BLZF1: variants seen among roughly 807,000 people sequenced by gnomAD.
The protein encoded by BLZF1 is golgin-45.
In BLZF1, 39 loss-of-function variants were observed where a neutral mutation model predicts 43.8. The observed-to-expected ratio is 0.89, with a 90% CI of 0.69 to 1.16. The LOEUF (loss-of-function observed/expected upper bound fraction) is 1.16, where lower values mean the gene tolerates loss of function less well. Among genes scored for constraint, BLZF1 ranks in the 50% most tolerant of loss-of-function variants. BLZF1 has a pLI of 0.00. For synonymous variants in BLZF1, 136 were observed against 159.4 expected (o/e 0.85, Z 1.11); for missense variants, 449 against 469.8 (o/e 0.96, Z 0.41).
intron 5 of BLZF1, 103 bp downstream of exon 5, chr1:169,380,712 T>A: frequency 7.5e-7 from 1 of 1,332,230 alleles, no homozygotes; most frequent in Non-Finnish European, 1.0e-6. Context: ...TGGGTGTGTC[T>A]ACATTTGATA....
intron 5 of BLZF1, 114 bp from the exon 6 acceptor site, chr1:169,381,948 G>T: frequency 1.2e-6 from 1 of 804,226 alleles, no homozygotes; most frequent in South Asian, 1.9e-5. Context: ...GAGAGAAAGG[G>T]ATCAGAGAAA....
At chr1:169,370,828 T>C (rs1459455024) in intron 2 of BLZF1, among the ~76,000 whole-genome samples, 1 of 152,200 alleles carries the variant, frequency 6.6e-6, no homozygotes, top group Non-Finnish European at 1.5e-5. Context: ...TCTATATCCC[T>C]AATCTCCTTC....
At chr1:169,392,621 TGTGA>T (rs1330964936), downstream of BLZF1, among the ~76,000 whole-genome samples, 4 of 152,172 alleles carry the variant, frequency 2.6e-5, no homozygotes, top group African/African-American at 4.8e-5. Flanking sequence ...GTCCCCAAGC[TGTGA>T]GTATCTTTGT....
chr1:169,373,117 A>G (rs924435396), intron 2 of BLZF1, among the ~76,000 whole-genome samples: 1 of 152,142 alleles, frequency 6.6e-6, no homozygotes, highest in African/African-American at 2.4e-5. Context: ...CCTTTACAGA[A>G]AAAGTTTGCC....
intron 2 of BLZF1, among the ~76,000 whole-genome samples, chr1:169,370,992 G>A (rs775744017): frequency 3.3e-5 from 5 of 152,084 alleles, no homozygotes; most frequent in African/African-American, 4.8e-5. Flanking sequence ...AGTTAAAGAT[G>A]GAAAACTGTT....
chr1:169,388,689 A>C (rs1485923997), downstream of BLZF1, among the ~76,000 whole-genome samples: 1 of 152,192 alleles, frequency 6.6e-6, no homozygotes, highest in Admixed American at 6.5e-5. Flanking sequence ...CAACCCAATA[A>C]AAATTAGCAA....
At chr1:169,383,158 C>CA (rs1170214717) in intron 6 of BLZF1, among the ~76,000 whole-genome samples, 3 of 152,158 alleles carry the variant, frequency 2.0e-5, no homozygotes, top group Non-Finnish European at 4.4e-5. Flanking sequence ...AATACTACCT[C>CA]ACATTCAGCA....
chr1:169,371,893 G>A (rs1055549077), intron 2 of BLZF1, among the ~76,000 whole-genome samples: 2 of 152,122 alleles, frequency 1.3e-5, no homozygotes, highest in African/African-American at 4.8e-5. Flanking sequence ...TAGAATAATA[G>A]GTGTTAGGTA....
At chr1:169,378,260 T>C in intron 3 of BLZF1, 70 bp from the exon 4 acceptor site, 2 of 1,435,784 alleles carry the variant, frequency 1.4e-6, no homozygotes, top group Non-Finnish European at 1.9e-6. Flanking sequence ...AGTCTCTTTT[T>C]GTTAATTTTG....
Position 169,382,215 on chromosome 1 carries a change from C to T in BLZF1, c.951C>T (p.Asn317=). The T allele has an allele frequency of 6.2e-7, 1 of 1,613,440 alleles. No homozygotes were observed. The highest frequency in any genetic ancestry group is 8.5e-7 in the Non-Finnish European group (1 of 1,179,614). Residue 317 remains asparagine (N), a synonymous_variant, in exon 6 of 7, where the codon AAC becomes AAT. Transcript: ENST00000367808. ...NSHLLGNVGI[N]NQKKIPSTVE... ...ATCTTCTGGGAAATGTTGGCATTAACAATCAAAAAAAGATTCCATCAACAG... is the reference window on the plus strand; with the variant it reads ...ATCTTCTGGGAAATGTTGGCATTAATAATCAAAAAAAGATTCCATCAACAG...
In BLZF1 at chr1:169,387,159, C is replaced by T. The variant is rs768658214; in HGVS notation, c.1180C>T (p.Arg394Trp). 1.5e-5 allele frequency: 24 copies of T among 1,612,962 alleles called. 1 individual carries two copies. In the Middle Eastern group the frequency reaches 9.9e-4, roughly 66 times the overall value. Residue 394 changes from arginine to tryptophan, a missense_variant, in exon 7 of 7, where the codon CGG (arginine) becomes TGG (tryptophan). Coordinates refer to ENST00000367808, the MANE Select transcript of BLZF1 (RefSeq NM_001320973.2). The part of the protein sequence containing the change: ...NITFNCCNHC[R>W]GELIAL ...AACTTTCAATTGCTGCAATCACTGC[C>T]GGGGAGAACTGATTGCCCTTTAACA...
At chr1:169,380,765 C>T (rs12081030) in intron 5 of BLZF1, among the ~76,000 whole-genome samples, 156 bp downstream of exon 5, 6,797 of 152,064 alleles carry the variant, frequency 0.045, 212 homozygotes, top group East Asian at 0.12. Flanking sequence ...AAAATAGATG[C>T]TCTGGGAGGG....
downstream of BLZF1, among the ~76,000 whole-genome samples, chr1:169,391,464 C>T (rs950155638): frequency 3.3e-5 from 5 of 152,134 alleles, no homozygotes; most frequent in African/African-American, 7.2e-5. Context: ...CTGGCTGGCA[C>T]GCCAAATTTT....
rs756570009 is a variant in BLZF1, at chr1:169,376,922, A to G, written c.411A>G (p.Glu137=). The part of the protein sequence containing the change: ...KNVLEKLKNS[E]RRLLQDKEGL... ...TATTGGAAAAGCTCAAGAATTCTGAAAGAAGGTTACTACAGGACAAAGAAG... is the reference window on the plus strand; with the variant it reads ...TATTGGAAAAGCTCAAGAATTCTGAGAGAAGGTTACTACAGGACAAAGAAG... The change falls in exon 3 of 7, where the codon GAA becomes GAG. Residue 137 remains glutamate (E), a synonymous_variant. Transcript: ENST00000367808. The G allele has an allele frequency of 3.1e-6, 5 of 1,613,304 alleles. No homozygotes were observed. In the South Asian group the frequency reaches 5.5e-5, roughly 18 times the overall value.
chr1:169,375,393 C>CATATATATATATATAT lies in BLZF1; in HGVS notation c.29-1124_29-1109dup, dbSNP rs58679820. Among the ~76,000 whole-genome samples the CATATATATATATATAT allele has an allele frequency of 2.6e-3, 227 of 85,800 alleles. 8 individuals are homozygous for CATATATATATATATAT. Among genetic ancestry groups the CATATATATATATATAT allele is most frequent in the African/African-American group, 6.1e-3 (126 of 20,762 alleles). The allele number at this position is 85,800 out of a possible 152,430, so 56.3% of individuals were successfully genotyped here. A position where few individuals can be genotyped will look rare whatever the true frequency, so the allele number is the denominator to read the frequency against. On this transcript the variant is annotated intron_variant, in intron 2 of 6. Coordinates refer to ENST00000367808, the MANE Select transcript of BLZF1 (RefSeq NM_001320973.2). ...ACATATAAAACATATATATATAAAA[C>CATATATATATATATAT]ATATATATATATATATATATATATA... is the stretch of plus-strand genomic sequence containing the variant.
intron 2 of BLZF1, among the ~76,000 whole-genome samples, chr1:169,374,518 A>G (rs2102008323): frequency 6.6e-6 from 1 of 152,284 alleles, no homozygotes; most frequent in Non-Finnish European, 1.5e-5. Flanking sequence ...TACATTTCAT[A>G]TGGAAATGAC....
chr1:169,380,811 A>G (rs1198066274), intron 5 of BLZF1, among the ~76,000 whole-genome samples: 2 of 152,114 alleles, frequency 1.3e-5, no homozygotes, highest in Non-Finnish European at 2.9e-5. Context: ...TGCTTTTCAC[A>G]TTCTTAATTG....
At chr1:169,391,019 A>G (rs1044689674), downstream of BLZF1, among the ~76,000 whole-genome samples, 2 of 152,212 alleles carry the variant, frequency 1.3e-5, no homozygotes, top group Non-Finnish European at 2.9e-5. Flanking sequence ...AATGGACCCA[A>G]TACCTTCCAT....
intron 6 of BLZF1, among the ~76,000 whole-genome samples, chr1:169,385,811 A>T (rs1654649520): frequency 6.6e-6 from 1 of 152,160 alleles, no homozygotes; most frequent in African/African-American, 2.4e-5. Context: ...GTGGTAACTT[A>T]GAAGGGAAAA....
Sources: gnomAD v4.1 joint callset for allele counts (sites outside exome capture counted in the v4.1 genomes callset) on GRCh38, gnomAD v4.1.1 for gene constraint, MANE v1.5 for transcripts, NCBI Gene and HGNC (gene_info 2026-07-23, HGNC 2026-07-21) for gene names.